CFAP70: variants seen among roughly 807,000 people sequenced by gnomAD.
CFAP70 encodes cilia and flagella associated protein 70, also known as cilia- and flagella-associated protein 70.
CFAP70 carries 81 observed loss-of-function variants against 137.6 expected under a neutral mutation model. That is an observed-to-expected ratio of 0.59 (90% CI 0.49 to 0.71). The LOEUF (loss-of-function observed/expected upper bound fraction) is 0.71. Among genes scored for constraint, CFAP70 ranks in the 30% least tolerant of loss-of-function variants. The pLI is 0.00. For missense variants in CFAP70, 976 were observed against 1,226.7 expected, an observed-to-expected ratio of 0.80 and a Z score of 3.05; for synonymous variants, 382 against 423.6, an observed-to-expected ratio of 0.90 and a Z score of 1.20.
upstream of CFAP70, among the ~76,000 whole-genome samples, chr10:73,361,361 C>T (rs920504395): frequency 2.1e-5 from 3 of 145,150 alleles, no homozygotes; most frequent in Non-Finnish European, 3.0e-5. Context: ...GATATGATCT[C>T]GGCTCACTGC....
intron 13 of CFAP70, 105 bp from the exon 15 acceptor site, chr10:73,299,206 T>C: frequency 1.3e-6 from 1 of 761,476 alleles, no homozygotes; most frequent in South Asian, 1.9e-5. Flanking sequence ...CTTTATTAGT[T>C]TGTTTGTTTG....
chr10:73,308,983 G>GCATAGCTTTT (rs2049665655), intron 12 of CFAP70, among the ~76,000 whole-genome samples: 1 of 151,830 alleles, frequency 6.6e-6, no homozygotes, highest in Admixed American at 6.6e-5. Context: ...TAGCAAAAGG[G>GCATAGCTTTT]GGGCACACTA....
intron 26 of CFAP70, among the ~76,000 whole-genome samples, chr10:73,256,151 T>C (rs2044468738): frequency 6.6e-6 from 1 of 152,174 alleles, no homozygotes; most frequent in East Asian, 1.9e-4. Flanking sequence ...CTATTAACTA[T>C]TATATATTCT....
At chr10:73,349,542 C>CA (rs537930658) in intron 3 of CFAP70, among the ~76,000 whole-genome samples, 1,558 of 111,710 alleles carry the variant, frequency 0.014, 29 homozygotes, top group African/African-American at 0.04. Flanking sequence ...GACTCCGTCT[C>CA]AAAAAAAAAA....
chr10:73,346,500 C>T (rs1203919858), intron 4 of CFAP70, among the ~76,000 whole-genome samples: 7 of 151,588 alleles, frequency 4.6e-5, no homozygotes, highest in East Asian at 2.0e-4. Context: ...AAAAATTAGC[C>T]GGGCATGGTG....
At chr10:73,345,134 A>T in intron 4 of CFAP70, 1 of 1,614,238 alleles carries the variant, frequency 6.2e-7, no homozygotes, top group Non-Finnish European at 8.5e-7. Flanking sequence ...TGAAGGATTC[A>T]GGCACAGAGT....
intron 26 of CFAP70, chr10:73,254,301 T>G (rs1431002238): frequency 3.1e-6 from 1 of 323,868 alleles, no homozygotes; most frequent in Non-Finnish European, 5.5e-6. Context: ...ATTTGTACAT[T>G]TTTTTGTAAG....
intron 11 of CFAP70, among the ~76,000 whole-genome samples, chr10:73,311,111 A>G (rs1281972170): frequency 6.6e-6 from 1 of 152,248 alleles, no homozygotes; most frequent in Non-Finnish European, 1.5e-5. Flanking sequence ...AATGAAGTCC[A>G]AACTTTTAAA....
chr10:73,349,775 A>T (rs2054047267), intron 3 of CFAP70, among the ~76,000 whole-genome samples: 1 of 152,182 alleles, frequency 6.6e-6, no homozygotes, highest in South Asian at 2.1e-4. Context: ...CCATAATCTA[A>T]ATTTAACAAT....
chr10:73,317,404 C>T (rs1214209688), intron 9 of CFAP70, among the ~76,000 whole-genome samples: 1 of 152,176 alleles, frequency 6.6e-6, no homozygotes, highest in Non-Finnish European at 1.5e-5. Context: ...CTTCTGGCTT[C>T]CATTGTTTCA....
rs536067722 is a variant in CFAP70, at chr10:73,277,705, C to T, written c.2399-344G>A. 6.1e-5 allele frequency among the ~76,000 whole-genome samples: 9 copies of T among 148,630 alleles called. No homozygotes were observed. The East Asian group carries it at 1.9e-3, about 31-fold the overall frequency. ...TCCAGCCTGGCAACAGAGCAAGACTCCATCTCAAAAAAAAAAAAAAATTCA... is the reference window on the plus strand; with the variant it reads ...TCCAGCCTGGCAACAGAGCAAGACTTCATCTCAAAAAAAAAAAAAAATTCA... On this transcript the variant is annotated intron_variant, in intron 20 of 26. Transcript: ENST00000310715.
rs545853627 is a variant in CFAP70, at chr10:73,302,883, C to CTTTTCTT, written c.1257-3219_1257-3218insAAGAAAA. Among the ~76,000 whole-genome samples the CTTTTCTT allele has an allele frequency of 2.8e-3, 362 of 130,974 alleles. 2 individuals carry two copies. Among genetic ancestry groups the CTTTTCTT allele is most frequent in the African/African-American group, 8.3e-3 (283 of 34,030 alleles). The allele number at this position is 130,974 out of a possible 152,430, so 85.9% of individuals were successfully genotyped here. A position where few individuals can be genotyped will look rare whatever the true frequency, so the allele number is the denominator to read the frequency against. ...ATAATTTTCTTTTTTCTTTTCTTTT[C>CTTTTCTT]TTTTTTTTTTTTTTTTGAGAGAGGG... On this transcript the variant is annotated intron_variant, in intron 12 of 26. Coordinates refer to ENST00000310715, the Ensembl canonical transcript of CFAP70.
At chr10:73,297,145 T>A in exon 15 of CFAP70, 1 of 1,613,622 alleles carries the variant, frequency 6.2e-7, no homozygotes, top group East Asian at 2.2e-5. Context: ...CTTCAAGTAT[T>A]TATCTCTCAC....
At chr10:73,340,234 G>C (rs1055482487) in intron 6 of CFAP70, among the ~76,000 whole-genome samples, 4 of 152,156 alleles carry the variant, frequency 2.6e-5, no homozygotes, top group Non-Finnish European at 4.4e-5. Context: ...ACCCACAGTG[G>C]GTAGCTCCTC....
chr10:73,334,721 A>C (rs945713159), intron 7 of CFAP70, among the ~76,000 whole-genome samples: 1 of 151,870 alleles, frequency 6.6e-6, no homozygotes, highest in African/African-American at 2.4e-5. Context: ...CTGGGACTAC[A>C]GGTGAGCACC....
At chr10:73,254,090 T>G in intron 26 of CFAP70, 35 bp from the exon 28 acceptor site, 4 of 1,550,470 alleles carry the variant, frequency 2.6e-6, no homozygotes, top group Non-Finnish European at 3.5e-6. Context: ...AAGATATATG[T>G]CATACGTGAT....
intron 1 of CFAP70, among the ~76,000 whole-genome samples, chr10:73,357,377 G>C (rs547491271): frequency 6.6e-6 from 1 of 152,304 alleles, no homozygotes; most frequent in South Asian, 2.1e-4. Flanking sequence ...GAGGAAGTAC[G>C]CTGGAACTAT....
intron 6 of CFAP70, 44 bp from the exon 8 acceptor site, chr10:73,335,568 C>A: frequency 7.1e-7 from 1 of 1,404,146 alleles, no homozygotes. Flanking sequence ...TGTGCCATGA[C>A]TTCATTCTGC....
At chr10:73,309,084 A>G (rs1370326440) in intron 12 of CFAP70, among the ~76,000 whole-genome samples, 3 of 152,262 alleles carry the variant, frequency 2.0e-5, no homozygotes, top group Non-Finnish European at 4.4e-5. Context: ...GAGAAAATCA[A>G]TAAGCTTTAA....
Sources: allele counts gnomAD v4.1 joint callset (sites outside exome capture counted in the v4.1 genomes callset), GRCh38; gene constraint gnomAD v4.1.1; transcripts MANE v1.5; gene names NCBI Gene and HGNC (gene_info 2026-07-23, HGNC 2026-07-21).